The following PPP1R12B variants were observed in gnomAD, a reference collection of about 807,000 sequenced individuals.
PPP1R12B encodes myosin phosphatase target subunit 2.
A neutral mutation model predicts 126.1 loss-of-function variants in PPP1R12B; 76 were observed. The ratio of observed to expected loss-of-function variants is 0.60; its 90% CI spans 0.50 to 0.73. The LOEUF (loss-of-function observed/expected upper bound fraction) is 0.73, where lower values mean the gene tolerates loss of function less well. PPP1R12B is among the 30% of genes least tolerant of loss of function. The pLI is 0.00. For missense variants in PPP1R12B, 1,052 were observed against 1,205.1 expected, an observed-to-expected ratio of 0.87 and a Z score of 1.88; for synonymous variants, 356 against 434.7, an observed-to-expected ratio of 0.82 and a Z score of 2.25.
At chr1:202,370,327 GT>G (rs1177688657) in intron 1 of PPP1R12B, among the ~76,000 whole-genome samples, 2 of 152,004 alleles carry the variant, frequency 1.3e-5, no homozygotes, top group Admixed American at 6.6e-5. Flanking sequence ...ATAGTTTATT[GT>G]TTTTTATGGC....
chr1:202,360,361 C>T (rs185382468), intron 1 of PPP1R12B, among the ~76,000 whole-genome samples: 2 of 152,250 alleles, frequency 1.3e-5, no homozygotes, highest in Non-Finnish European at 2.9e-5. Context: ...ATCATCACAT[C>T]ACAAGAAGCT....
chr1:202,544,590 G>C (rs1302132194), intron 18 of PPP1R12B, among the ~76,000 whole-genome samples: 1 of 152,038 alleles, frequency 6.6e-6, no homozygotes, highest in East Asian at 1.9e-4. Flanking sequence ...TTTTAATTAG[G>C]CACATTTTCA....
At chr1:202,474,624 G>A (rs538871579) in intron 13 of PPP1R12B, among the ~76,000 whole-genome samples, 1 of 152,242 alleles carries the variant, frequency 6.6e-6, no homozygotes. Context: ...TGTTTTATGA[G>A]TTGGATCTGG....
At chr1:202,569,098 C>T in intron 22 of PPP1R12B, 49 bp from the exon 23 acceptor site, 1 of 1,589,914 alleles carries the variant, frequency 6.3e-7, no homozygotes, top group African/African-American at 1.3e-5. Context: ...AGCATTTTTA[C>T]TCCCTTCTGA....
rs1415796107 is a variant in PPP1R12B, at chr1:202,495,660, G to A, written c.2426G>A (p.Gly809Asp). Residue 809 changes from glycine (G) to aspartate (D), a missense_variant, in exon 17 of 24, where the codon GGC becomes GAC. Physicochemically the swap from Gly to Asp is moderately conservative, Grantham distance 94. Coordinates refer to ENST00000608999, the MANE Select transcript of PPP1R12B (RefSeq NM_002481.4). ...RRPKERRRGT[G>D]INFWTKDEDE... ...CCCAAGGAACGACGAAGAGGCACAG[G>A]CATCAATTTCTGGACAAAGGATGTA... 3 of 1,613,974 alleles carry A rather than the reference G, an allele frequency of 1.9e-6. No homozygotes were observed. Among genetic ancestry groups the A allele is most frequent in the Non-Finnish European group, 2.5e-6 (3 of 1,180,002 alleles).
rs150492093 is a variant in PPP1R12B, at chr1:202,423,344, A to AT, written c.541+617dup. On this transcript the variant is annotated intron_variant, in intron 3 of 23. Transcript: ENST00000608999. ...AACTCTGCGGACAAGATTTGTAGTGATTTTTTTTTTTAGTCCTTCTGCTAA... is the reference window on the plus strand; with the variant it reads ...AACTCTGCGGACAAGATTTGTAGTGATTTTTTTTTTTTAGTCCTTCTGCTAA... Among the ~76,000 whole-genome samples, 1,461 of 148,216 alleles carry AT rather than the reference A, an allele frequency of 9.9e-3. 11 individuals carry two copies. Among genetic ancestry groups the AT allele is most frequent in the Non-Finnish European group, 0.016 (1,098 of 66,582 alleles).
At chr1:202,518,616 C>G (rs1682415289) in intron 18 of PPP1R12B, among the ~76,000 whole-genome samples, 1 of 152,178 alleles carries the variant, frequency 6.6e-6, no homozygotes, top group East Asian at 1.9e-4. Flanking sequence ...GTAAAGAGAC[C>G]AGGGAGAAAG....
At chr1:202,403,054 T>A (rs1221173274) in intron 1 of PPP1R12B, among the ~76,000 whole-genome samples, 2 of 152,188 alleles carry the variant, frequency 1.3e-5, no homozygotes. Context: ...CTTTTCTGTG[T>A]TTGAACATCT....
At chr1:202,491,084 C>T (rs1678818427) in intron 14 of PPP1R12B, among the ~76,000 whole-genome samples, 1 of 152,144 alleles carries the variant, frequency 6.6e-6, no homozygotes, top group Non-Finnish European at 1.5e-5. Flanking sequence ...ATCAGCAGTG[C>T]ACAAGGGTTC....
chr1:202,557,072 C>T (rs574683758), intron 18 of PPP1R12B, among the ~76,000 whole-genome samples: 1 of 152,328 alleles, frequency 6.6e-6, no homozygotes, highest in South Asian at 2.1e-4. Flanking sequence ...ACTGCAGCCT[C>T]GACCTCTTGT....
At chr1:202,409,890 G>T (rs1667166803) in intron 1 of PPP1R12B, among the ~76,000 whole-genome samples, 1 of 152,054 alleles carries the variant, frequency 6.6e-6, no homozygotes, top group African/African-American at 2.4e-5. Flanking sequence ...TTTCCCTAAT[G>T]ATTAGTGACA....
intron 3 of PPP1R12B, among the ~76,000 whole-genome samples, chr1:202,424,867 C>T (rs1415298452): frequency 1.3e-5 from 2 of 152,172 alleles, no homozygotes; most frequent in African/African-American, 4.8e-5. Context: ...TGAAAGCAGA[C>T]AGGTTTTTAA....
In PPP1R12B at chr1:202,588,873, A is replaced by AGATAG. The variant is rs1553332024; in HGVS notation, c.*8313_*8314insGATAG. On this transcript the variant is annotated 3_prime_UTR_variant, in exon 24 of 24. Transcript: ENST00000608999. Reference sequence around the variant, plus strand: ...TAGATAGATAGATAGATAGATAGATATCAAGGTTCCAAGCTTCAAGTAACC... The same window carrying AGATAG: ...TAGATAGATAGATAGATAGATAGATAGATAGTCAAGGTTCCAAGCTTCAAGTAACC... The AGATAG allele has an allele frequency of 1.7e-5, 2 of 116,368 alleles. No homozygotes were observed. The highest frequency in any genetic ancestry group is 1.1e-4 in the African/African-American group (2 of 18,596). The allele number at this position is 116,368 out of a possible 1,614,324, so 7.2% of individuals were successfully genotyped here. A position where few individuals can be genotyped will look rare whatever the true frequency, so the allele number is the denominator to read the frequency against.
chr1:202,481,663 A>G (rs539955786), intron 13 of PPP1R12B, among the ~76,000 whole-genome samples: 1 of 152,232 alleles, frequency 6.6e-6, no homozygotes, highest in Admixed American at 6.5e-5. Context: ...TCTGTGTTGT[A>G]TAATGATCTA....
chr1:202,440,365 A>T (rs1041353594), intron 10 of PPP1R12B, among the ~76,000 whole-genome samples: 2 of 152,214 alleles, frequency 1.3e-5, no homozygotes, highest in African/African-American at 4.8e-5. Flanking sequence ...ATCTTATTTC[A>T]TCAAGAATAT....
At chr1:202,354,309 G>T (rs941110058) in intron 1 of PPP1R12B, among the ~76,000 whole-genome samples, 1 of 152,094 alleles carries the variant, frequency 6.6e-6, no homozygotes, top group African/African-American at 2.4e-5. Context: ...CAGTTATTTT[G>T]TCCCAATAAT....
At chr1:202,354,950 C>T (rs925207393) in intron 1 of PPP1R12B, among the ~76,000 whole-genome samples, 8 of 151,918 alleles carry the variant, frequency 5.3e-5, no homozygotes, top group Non-Finnish European at 7.4e-5. Context: ...CTCAGCCTCC[C>T]GAGTAGCTGG....
In PPP1R12B at chr1:202,587,032, C is replaced by T. The variant is rs145069438; in HGVS notation, c.*6472C>T. ...TTTTTCCCCCTCCCTTCTAATCCCC[C>T]AAAGGACCTATTTGAGCTGTTCCCC... is the stretch of plus-strand genomic sequence containing the variant. On this transcript the variant is annotated 3_prime_UTR_variant, in exon 24 of 24. Coordinates refer to ENST00000608999, the MANE Select transcript of PPP1R12B (RefSeq NM_002481.4). The T allele has an allele frequency of 6.6e-6, 1 of 152,256 alleles. No individual in the cohort carries two copies. The highest frequency in any genetic ancestry group is 2.4e-5 in the African/African-American group (1 of 41,546). The allele number at this position is 152,256 out of a possible 1,614,324, so 9.4% of individuals were successfully genotyped here. A position where few individuals can be genotyped will look rare whatever the true frequency, so the allele number is the denominator to read the frequency against.
At chr1:202,529,930 A>G (rs529986698) in intron 18 of PPP1R12B, among the ~76,000 whole-genome samples, 11 of 152,318 alleles carry the variant, frequency 7.2e-5, no homozygotes, top group Non-Finnish European at 2.9e-5. Context: ...GTAATATCTG[A>G]TGAATTTGAG....
Sources: gnomAD v4.1 joint callset for allele counts (sites outside exome capture counted in the v4.1 genomes callset) on GRCh38, gnomAD v4.1.1 for gene constraint, MANE v1.5 for transcripts, NCBI Gene and HGNC (gene_info 2026-07-23, HGNC 2026-07-21) for gene names.